The following PPFIBP1 variants were observed in gnomAD, a reference collection of about 807,000 sequenced individuals.
PPFIBP1 encodes liprin-beta-1.
In PPFIBP1, 112 loss-of-function variants were observed where a neutral mutation model predicts 137.8. The ratio of observed to expected loss-of-function variants is 0.81; its 90% CI spans 0.70 to 0.95. The LOEUF is 0.95. Among genes scored for constraint, PPFIBP1 ranks in the 40% least tolerant of loss-of-function variants. PPFIBP1 has a pLI of 0.00. For missense variants in PPFIBP1, 1,083 were observed against 1,196.6 expected (o/e 0.91, Z 1.40); for synonymous variants, 378 against 417.3 (o/e 0.91, Z 1.15).
chr12:27,587,103 A>G (rs1014873228), intron 2 of PPFIBP1, among the ~76,000 whole-genome samples: 1 of 152,140 alleles, frequency 6.6e-6, no homozygotes, highest in African/African-American at 2.4e-5. Flanking sequence ...TTTCAACTGA[A>G]CCAATTTGCC....
intron 23 of PPFIBP1, 25 bp downstream of exon 23, chr12:27,682,523 A>T: frequency 6.2e-7 from 1 of 1,605,728 alleles, no homozygotes; most frequent in Non-Finnish European, 8.5e-7. Context: ...TTCTAACAAA[A>T]TGAAATAATT....
At position 27,681,574 on chromosome 12, in the gene PPFIBP1, A is replaced by T. The variant is rs1192148477; in HGVS notation, c.1924A>T (p.Thr642Ser). ...SDLDMPFAKW[T>S]KEQVCNWLME... ...CTTGGATATGCCATTTGCCAAGTGG[A>T]CCAAGGAGCAGGTTTGCAATTGGCT... The change falls in exon 22 of 30, where the codon ACC becomes TCC. Residue 642 changes from threonine to serine, a missense_variant. Coordinates refer to ENST00000228425, the MANE Select transcript of PPFIBP1 (RefSeq NM_003622.4). 8.1e-6 allele frequency: 13 copies of T among 1,614,120 alleles called. No individual in the cohort carries two copies. Among genetic ancestry groups the T allele is most frequent in the Non-Finnish European group, 1.1e-5 (13 of 1,179,994 alleles).
At chr12:27,576,780 G>T (rs1348728570) in intron 1 of PPFIBP1, among the ~76,000 whole-genome samples, 1 of 152,144 alleles carries the variant, frequency 6.6e-6, no homozygotes, top group Non-Finnish European at 1.5e-5. Context: ...ACAGCTCAAG[G>T]CACCACTTCT....
chr12:27,531,245 T>C (rs1249206795), intron 1 of PPFIBP1, among the ~76,000 whole-genome samples: 2 of 152,174 alleles, frequency 1.3e-5, no homozygotes, highest in Non-Finnish European at 2.9e-5. Context: ...AAATGGTAGC[T>C]CTGATATATG....
At chr12:27,527,978 G>A (rs370606515) in intron 1 of PPFIBP1, among the ~76,000 whole-genome samples, 113 of 151,800 alleles carry the variant, frequency 7.4e-4, no homozygotes, top group African/African-American at 2.2e-3. Context: ...AGACAGAGTC[G>A]CTCTCTGTTG....
chr12:27,557,736 C>T (rs1161471622), intron 1 of PPFIBP1, among the ~76,000 whole-genome samples: 2 of 152,170 alleles, frequency 1.3e-5, no homozygotes, highest in Non-Finnish European at 2.9e-5. Context: ...AAGTCTCCAA[C>T]ACTGTTGGCA....
chr12:27,639,288 TATA>T (rs2057933200), intron 4 of PPFIBP1, among the ~76,000 whole-genome samples: 1 of 152,252 alleles, frequency 6.6e-6, no homozygotes, highest in South Asian at 2.1e-4. Context: ...AATTATGAAA[TATA>T]ATGTGTTAAC....
chr12:27,589,249 T>C (rs952449343), intron 2 of PPFIBP1, among the ~76,000 whole-genome samples: 1 of 152,236 alleles, frequency 6.6e-6, no homozygotes, highest in Non-Finnish European at 1.5e-5. Flanking sequence ...CTCTAGGAAA[T>C]CGTCTATAAC....
At chr12:27,616,081 C>CT (rs1278337302) in intron 2 of PPFIBP1, among the ~76,000 whole-genome samples, 1 of 152,022 alleles carries the variant, frequency 6.6e-6, no homozygotes, top group African/African-American at 2.4e-5. Context: ...TTATTGTTTT[C>CT]TTTTTTCCGT....
chr12:27,577,947 G>C (rs1439319089), intron 1 of PPFIBP1, among the ~76,000 whole-genome samples: 1 of 152,132 alleles, frequency 6.6e-6, no homozygotes, highest in East Asian at 1.9e-4. Flanking sequence ...GGGAGAGAAG[G>C]GTGGAGTGCT....
intron 20 of PPFIBP1, 55 bp from the exon 21 acceptor site, chr12:27,679,878 A>G: frequency 6.3e-7 from 1 of 1,595,692 alleles, no homozygotes; most frequent in Middle Eastern, 1.7e-4. Context: ...GTTCTGATTA[A>G]CAAGTCTAAG....
intron 2 of PPFIBP1, among the ~76,000 whole-genome samples, chr12:27,617,128 A>G (rs541861790): frequency 6.6e-6 from 1 of 152,354 alleles, no homozygotes; most frequent in Admixed American, 6.5e-5. Flanking sequence ...AAGCATCCTT[A>G]TATGAAGATA....
intron 14 of PPFIBP1, 89 bp from the exon 15 acceptor site, chr12:27,672,338 T>G (rs2060251658): frequency 2.0e-6 from 2 of 992,690 alleles, no homozygotes; most frequent in African/African-American, 3.3e-5. Context: ...TTTGCATAAT[T>G]TTTTGTTTTT....
intron 2 of PPFIBP1, among the ~76,000 whole-genome samples, chr12:27,612,926 A>ACATCATCATCATCAT (rs71039826): frequency 1.3e-5 from 2 of 148,902 alleles, no homozygotes; most frequent in Non-Finnish European, 3.0e-5. Context: ...TAGATAATAC[A>ACATCATCATCATCAT]CATCATCATC....
chr12:27,591,820 T>A (rs945348998), intron 2 of PPFIBP1, among the ~76,000 whole-genome samples: 4 of 152,190 alleles, frequency 2.6e-5, no homozygotes, highest in African/African-American at 9.7e-5. Context: ...CTAGAACCTG[T>A]CAGGTACCTG....
At chr12:27,629,485 A>C (rs552507427) in intron 2 of PPFIBP1, among the ~76,000 whole-genome samples, 84 of 152,326 alleles carry the variant, frequency 5.5e-4, no homozygotes, top group African/African-American at 2.0e-3. Flanking sequence ...TTCATATAAA[A>C]GTATCATACA....
chr12:27,652,129 TTAA>T (rs1274727103), intron 7 of PPFIBP1, among the ~76,000 whole-genome samples: 6 of 152,222 alleles, frequency 3.9e-5, no homozygotes, highest in Non-Finnish European at 8.8e-5. Context: ...TATCGTCCCC[TTAA>T]TAAAAATATT....
intron 3 of PPFIBP1, among the ~76,000 whole-genome samples, chr12:27,634,234 T>A (rs1288260424): frequency 6.7e-6 from 1 of 148,910 alleles, no homozygotes; most frequent in Non-Finnish European, 1.5e-5. Flanking sequence ...TACCTGTGAA[T>A]AACATGCATA....
chr12:27,595,916 TATATA>T (rs2053232942), intron 2 of PPFIBP1, among the ~76,000 whole-genome samples: 2 of 108,914 alleles, frequency 1.8e-5, no homozygotes, highest in Non-Finnish European at 4.1e-5. Context: ...TATATATATA[TATATA>T]TTTTATGCCC....
Sources: gnomAD v4.1 joint callset for allele counts (sites outside exome capture counted in the v4.1 genomes callset) on GRCh38, gnomAD v4.1.1 for gene constraint, MANE v1.5 for transcripts, NCBI Gene and HGNC (gene_info 2026-07-23, HGNC 2026-07-21) for gene names.